Variants in DROSHA observed in about 807,000 individuals in gnomAD.
DROSHA encodes the protein drosha ribonuclease III.
DROSHA carries 56 observed loss-of-function variants against 181.9 expected under a neutral mutation model. The ratio of observed to expected loss-of-function variants is 0.31; its 90% CI spans 0.25 to 0.38. The LOEUF (loss-of-function observed/expected upper bound fraction) is 0.38, where lower values mean the gene tolerates loss of function less well. Ranked by LOEUF, DROSHA falls within the 10% of genes least tolerant of loss-of-function variation. The pLI is 1.00. For missense variants in DROSHA, 1,218 were observed against 1,743.5 expected, an observed-to-expected ratio of 0.70 and a Z score of 5.37; for synonymous variants, 524 against 591.2, an observed-to-expected ratio of 0.89 and a Z score of 1.65.
intron 5 of DROSHA, 73 bp downstream of exon 5, chr5:31,526,006 G>T: frequency 1.4e-6 from 2 of 1,413,038 alleles, no homozygotes; most frequent in Non-Finnish European, 1.9e-6. Context: ...CTTTTGGTTT[G>T]GTTGTCATAA....
intron 19 of DROSHA, 106 bp downstream of exon 19, chr5:31,466,076 A>T: frequency 8.5e-7 from 1 of 1,174,184 alleles, no homozygotes; most frequent in Non-Finnish European, 1.2e-6. Context: ...TTTTTTAAAA[A>T]AATATTTTTC....
intron 13 of DROSHA, among the ~76,000 whole-genome samples, chr5:31,489,761 C>T (rs755655213): frequency 2.6e-5 from 4 of 152,180 alleles, no homozygotes; most frequent in Non-Finnish European, 4.4e-5. Context: ...CAGGAGTCAG[C>T]GAGTCCACTG....
At chr5:31,410,257 A>G (rs1741148921) in intron 31 of DROSHA, among the ~76,000 whole-genome samples, 3 of 152,214 alleles carry the variant, frequency 2.0e-5, no homozygotes, top group Admixed American at 1.3e-4. Context: ...TTCGTTAACT[A>G]TAATAGGATT....
intron 25 of DROSHA, among the ~76,000 whole-genome samples, chr5:31,433,425 C>A (rs1365167911): frequency 6.6e-6 from 1 of 152,060 alleles, no homozygotes; most frequent in Non-Finnish European, 1.5e-5. Context: ...GCAAGCAGAC[C>A]GCAAGCCATA....
At chr5:31,506,681 T>C (rs1738000561) in intron 10 of DROSHA, among the ~76,000 whole-genome samples, 1 of 141,350 alleles carries the variant, frequency 7.1e-6, no homozygotes, top group African/African-American at 2.5e-5. Context: ...AGGAGTTTTT[T>C]TGAGACTCCG....
At chr5:31,494,890 G>A (rs989827564) in intron 12 of DROSHA, among the ~76,000 whole-genome samples, 24 of 150,776 alleles carry the variant, frequency 1.6e-4, no homozygotes, top group South Asian at 2.1e-4. Flanking sequence ...TAGCCAGGAC[G>A]GTCTCGATCT....
intron 4 of DROSHA, among the ~76,000 whole-genome samples, chr5:31,527,788 G>A (rs575275032): frequency 1.3e-5 from 2 of 152,324 alleles, no homozygotes; most frequent in South Asian, 2.1e-4. Flanking sequence ...AATGTTTACT[G>A]TTTAAGTTAC....
At chr5:31,406,633 G>A (rs936326335) in intron 34 of DROSHA, among the ~76,000 whole-genome samples, 13 of 152,192 alleles carry the variant, frequency 8.5e-5, no homozygotes, top group African/African-American at 3.1e-4. Context: ...TCTCAAGATA[G>A]CTAAAGCCCC....
intron 12 of DROSHA, 129 bp downstream of exon 12, chr5:31,495,157 T>C: frequency 9.4e-7 from 1 of 1,061,906 alleles, no homozygotes; most frequent in South Asian, 1.5e-5. Context: ...AAAGGCCAAT[T>C]TGTCAACATA....
chr5:31,428,648 A>T (rs532748411), intron 27 of DROSHA, among the ~76,000 whole-genome samples: 3 of 152,280 alleles, frequency 2.0e-5, no homozygotes, highest in South Asian at 2.1e-4. Flanking sequence ...ATCCTTTTTT[A>T]AAAAAACTAC....
At chr5:31,444,723 C>T (rs576452485) in intron 23 of DROSHA, among the ~76,000 whole-genome samples, 4 of 152,174 alleles carry the variant, frequency 2.6e-5, no homozygotes, top group African/African-American at 7.2e-5. Context: ...TAAAATAAAA[C>T]CATGGTCACA....
intron 20 of DROSHA, among the ~76,000 whole-genome samples, chr5:31,463,366 C>T (rs1280462339): frequency 3.9e-5 from 6 of 152,112 alleles, no homozygotes; most frequent in African/African-American, 7.2e-5. Flanking sequence ...AAAGCCAACA[C>T]TGATTTTTTA....
At position 31,493,943 on chromosome 5, in the gene DROSHA, G is replaced by C. The variant is rs1266976276; in HGVS notation, c.1756-650C>G. Among the ~76,000 whole-genome samples the C allele has an allele frequency of 3.3e-3, 133 of 40,706 alleles. 4 individuals are homozygous for C. In the South Asian group the frequency reaches 0.048, roughly 15 times the overall value. The allele number at this position is 40,706 out of a possible 152,430, so 26.7% of individuals were successfully genotyped here. On this transcript the variant is annotated intron_variant, in intron 12 of 35. Transcript: ENST00000344624. ...CCATTCTTATAACCCACCATTGTGT[G>C]TGTGTGTGTGTGTGTGTGTGTGTGT...
intron 26 of DROSHA, 28 bp downstream of exon 26, chr5:31,431,548 T>C: frequency 2.5e-6 from 4 of 1,602,276 alleles, no homozygotes; most frequent in Non-Finnish European, 2.6e-6. Context: ...TGCAAGAAAG[T>C]AGACTTCTTG....
intron 20 of DROSHA, 36 bp downstream of exon 20, chr5:31,464,200 G>C: frequency 1.3e-6 from 2 of 1,583,030 alleles, no homozygotes; most frequent in South Asian, 2.3e-5. Context: ...AGGAAGAAAA[G>C]TATGGGCATA....
At position 31,401,452 on chromosome 5, in the gene DROSHA, T is replaced by A; in HGVS notation, c.4105A>T (p.Thr1369Ser). ...CTCCTTTATTTCTTGATGTCTTCAGTCTCATCTGGCTCTCTCTCTTGATGC... is the reference window on the plus strand; with the variant it reads ...CTCCTTTATTTCTTGATGTCTTCAGACTCATCTGGCTCTCTCTCTTGATGC... ...REHQEREPDE[T>S]EDIKK Residue 1369 changes from threonine (T) to serine (S), a missense_variant, in exon 36 of 36, where the codon ACT (threonine) becomes TCT (serine). Around this residue, in one of 8 missense-constraint regions of DROSHA, gnomAD observed 32 missense variants for 29.2 expected, o/e 1.09. Coordinates refer to ENST00000344624, the MANE Select transcript of DROSHA (RefSeq NM_001382508.1). The A allele has an allele frequency of 6.2e-7, 1 of 1,613,200 alleles. No homozygotes were observed. The highest frequency in any genetic ancestry group is 8.5e-7 in the Non-Finnish European group (1 of 1,179,356).
intron 34 of DROSHA, among the ~76,000 whole-genome samples, chr5:31,406,065 G>A (rs75152248): frequency 7.3e-5 from 11 of 150,776 alleles, no homozygotes; most frequent in Non-Finnish European, 1.6e-4. Context: ...AAGAGGAAAA[G>A]AATAAAAAAA....
intron 25 of DROSHA, among the ~76,000 whole-genome samples, chr5:31,433,259 A>C (rs1274088253): frequency 6.6e-6 from 1 of 152,200 alleles, no homozygotes; most frequent in Non-Finnish European, 1.5e-5. Flanking sequence ...AATATACTCA[A>C]ATGAGTTTTG....
intron 20 of DROSHA, among the ~76,000 whole-genome samples, chr5:31,457,420 C>T (rs960187098): frequency 7.2e-5 from 11 of 151,952 alleles, no homozygotes; most frequent in African/African-American, 2.7e-4. Context: ...CCACTGCGTG[C>T]GTAGCCAGGT....
Sources: gnomAD v4.1 joint callset for allele counts (sites outside exome capture counted in the v4.1 genomes callset) on GRCh38, gnomAD v4.1.1 for gene constraint, gnomAD v4.1.1 regional missense constraint, MANE v1.5 for transcripts, NCBI Gene and HGNC (gene_info 2026-07-23, HGNC 2026-07-21) for gene names.